Variants in DPYD observed in about 807,000 individuals in gnomAD.
DPYD encodes the protein dihydropyrimidine dehydrogenase [NADP(+)].
Under a neutral mutation model 116.2 loss-of-function variants are expected in DPYD, and 109 were observed. The ratio of observed to expected loss-of-function variants is 0.94; its 90% CI spans 0.80 to 1.10. DPYD has a LOEUF of 1.10. Among genes scored for constraint, DPYD ranks in the 50% least tolerant of loss-of-function variants. The pLI is 0.00. For synonymous variants in DPYD, 440 were observed against 432.0 expected (o/e 1.02, Z -0.23); for missense variants, 1,302 against 1,254.5 (o/e 1.04, Z -0.57).
rs1202361829 is a variant in DPYD at position 97,410,611 on chromosome 1, G to T, written c.1906-28150C>A. Among the ~76,000 whole-genome samples, 8 of 152,048 alleles carry T rather than the reference G, an allele frequency of 5.3e-5. No homozygotes were observed. The East Asian group carries it at 1.4e-3, about 26-fold the overall frequency. On this transcript the variant is annotated intron_variant, in intron 14 of 22. Transcript: ENST00000370192. ...AATATGCCATCGGAAAGGGTAAAAA[G>T]CATCATCTTTATATGCTCCTTTGAT...
intron 16 of DPYD, among the ~76,000 whole-genome samples, chr1:97,314,124 G>A (rs926389892): frequency 1.3e-5 from 2 of 151,912 alleles, no homozygotes; most frequent in African/African-American, 4.8e-5. Flanking sequence ...AATACTTGGA[G>A]AGAACTGTCT....
chr1:97,239,707 C>T (rs904534176), intron 18 of DPYD, among the ~76,000 whole-genome samples: 1 of 152,028 alleles, frequency 6.6e-6, no homozygotes, highest in African/African-American at 2.4e-5. Context: ...GAACTAGTTA[C>T]CAACATCAGA....
chr1:97,604,571 T>A (rs1266996445), intron 8 of DPYD, among the ~76,000 whole-genome samples: 2 of 152,082 alleles, frequency 1.3e-5, no homozygotes, highest in Admixed American at 6.6e-5. Flanking sequence ...TCCAAAAAAA[T>A]TACTGTTCTC....
intron 20 of DPYD, among the ~76,000 whole-genome samples, chr1:97,175,913 T>C (rs1004480526): frequency 1.3e-5 from 2 of 152,212 alleles, no homozygotes; most frequent in Non-Finnish European, 2.9e-5. Flanking sequence ...ATATTCTATA[T>C]GGCATTTCAC....
At chr1:97,897,371 G>A (rs183979606) in intron 1 of DPYD, among the ~76,000 whole-genome samples, 1 of 151,698 alleles carries the variant, frequency 6.6e-6, no homozygotes, top group East Asian at 2.0e-4. Context: ...GATGTGCCTC[G>A]GCGTTGTTTT....
chr1:97,535,611 T>C (rs1414525144), intron 12 of DPYD, among the ~76,000 whole-genome samples: 1 of 152,218 alleles, frequency 6.6e-6, no homozygotes, highest in Non-Finnish European at 1.5e-5. Context: ...GACAATTTCA[T>C]TTTAAATTAC....
At chr1:97,741,505 A>G (rs1195381595) in intron 3 of DPYD, among the ~76,000 whole-genome samples, 2 of 152,188 alleles carry the variant, frequency 1.3e-5, no homozygotes, top group African/African-American at 4.8e-5. Flanking sequence ...TAGTGTTCAT[A>G]GTTGGAAGCA....
At chr1:97,131,018 A>T (rs1175289931) in intron 20 of DPYD, among the ~76,000 whole-genome samples, 2 of 151,976 alleles carry the variant, frequency 1.3e-5, no homozygotes, top group African/African-American at 4.8e-5. Context: ...TTAAGTATGA[A>T]CAGTGTTTGG....
Position 97,321,027 on chromosome 1 carries a change from C to G in DPYD, c.2059-14730G>C, listed in dbSNP as rs1345326453. Among the ~76,000 whole-genome samples the G allele has an allele frequency of 3.0e-5, 3 of 101,120 alleles. No homozygotes were observed. In the South Asian group the frequency reaches 1.2e-3, roughly 42 times the overall value. 66.3% of individuals were successfully genotyped at this position (101,120 alleles called of 152,430 possible). On this transcript the variant is annotated intron_variant, in intron 16 of 22. Coordinates refer to ENST00000370192, the MANE Select transcript of DPYD (RefSeq NM_000110.4). ...AAATGGTGCTGGGAAAACTGACTAG[C>G]CATATGTAGAAAGCTGAAACTGGAT...
chr1:97,570,198 TCTC>T (rs758522956), intron 11 of DPYD, among the ~76,000 whole-genome samples: 12 of 152,018 alleles, frequency 7.9e-5, no homozygotes, highest in Non-Finnish European at 1.2e-4. Context: ...AAAAATGTAA[TCTC>T]CTTTCAATTT....
At chr1:97,301,461 C>A (rs934271216) in intron 18 of DPYD, among the ~76,000 whole-genome samples, 3 of 151,576 alleles carry the variant, frequency 2.0e-5, no homozygotes, top group African/African-American at 7.3e-5. Context: ...TTATATTGAG[C>A]CTAAAGTGTC....
rs563944687 is a variant in DPYD at position 97,748,336 on chromosome 1, C to T, written c.234-7857G>A. On this transcript the variant is annotated intron_variant, in intron 3 of 22. Coordinates refer to ENST00000370192, the MANE Select transcript of DPYD (RefSeq NM_000110.4). ...ACAAAGAGTATAATTTGGCCAGGCA[C>T]GGTGACTCACACCTGTAATCCTAGC... is the stretch of plus-strand genomic sequence containing the variant. 7.9e-5 allele frequency among the ~76,000 whole-genome samples: 12 copies of T among 152,082 alleles called. No homozygotes were observed. In the South Asian group the frequency reaches 8.3e-4, roughly 10 times the overall value.
chr1:97,219,219 A>G (rs1045913140), intron 19 of DPYD, among the ~76,000 whole-genome samples: 5 of 152,214 alleles, frequency 3.3e-5, no homozygotes, highest in Non-Finnish European at 7.4e-5. Flanking sequence ...TCATGAATGG[A>G]AACTCTTAGA....
At chr1:97,416,059 G>C (rs534879637) in intron 14 of DPYD, among the ~76,000 whole-genome samples, 1 of 152,270 alleles carries the variant, frequency 6.6e-6, no homozygotes, top group Non-Finnish European at 1.5e-5. Flanking sequence ...GACATATCTA[G>C]CAAGAGAAAT....
chr1:97,437,299 G>GT (rs1030722583), intron 14 of DPYD, among the ~76,000 whole-genome samples: 151 of 142,106 alleles, frequency 1.1e-3, no homozygotes, highest in Middle Eastern at 3.7e-3. Context: ...TTTGTGAGGT[G>GT]TTTTTTTTTT....
intron 16 of DPYD, among the ~76,000 whole-genome samples, chr1:97,351,497 G>T (rs1670141596): frequency 6.6e-6 from 1 of 152,098 alleles, no homozygotes; most frequent in African/African-American, 2.4e-5. Context: ...TGGAATGAAA[G>T]AAACACTGAA....
intron 8 of DPYD, among the ~76,000 whole-genome samples, chr1:97,625,427 A>G (rs1656873972): frequency 6.6e-6 from 1 of 152,064 alleles, no homozygotes; most frequent in Non-Finnish European, 1.5e-5. Flanking sequence ...AAATGATGAC[A>G]GAATGACTAT....
chr1:97,121,592 T>C (rs886975242), intron 20 of DPYD, among the ~76,000 whole-genome samples: 3 of 152,100 alleles, frequency 2.0e-5, no homozygotes, highest in Non-Finnish European at 2.9e-5. Flanking sequence ...CTGCATTATA[T>C]AGGTTGATGC....
At chr1:97,650,772 T>C (rs532984284) in intron 8 of DPYD, among the ~76,000 whole-genome samples, 14 of 152,126 alleles carry the variant, frequency 9.2e-5, no homozygotes, top group Non-Finnish European at 1.9e-4. Flanking sequence ...CTATTATGAA[T>C]ATTATCAGTT....
Sources: allele counts gnomAD v4.1 joint callset (sites outside exome capture counted in the v4.1 genomes callset), GRCh38; gene constraint gnomAD v4.1.1; transcripts MANE v1.5; gene names NCBI Gene and HGNC (gene_info 2026-07-23, HGNC 2026-07-21).